SMCHD1: variants seen among roughly 807,000 people sequenced by gnomAD.
The protein encoded by SMCHD1 is structural maintenance of chromosomes flexible hinge domain-containing protein 1.
Under a neutral mutation model 254.7 loss-of-function variants are expected in SMCHD1, and 78 were observed. That is an observed-to-expected ratio of 0.31 (90% confidence interval 0.26 to 0.37). The LOEUF (loss-of-function observed/expected upper bound fraction) is 0.37. SMCHD1 is among the 10% of genes least tolerant of loss of function. The pLI, the probability that SMCHD1 is intolerant of heterozygous loss-of-function variation, is 1.00. For synonymous variants in SMCHD1, 766 were observed against 794.9 expected, an observed-to-expected ratio of 0.96 and a Z score of 0.61; for missense variants, 1,840 against 2,408.1, an observed-to-expected ratio of 0.76 and a Z score of 4.94.
chr18:2,775,702 A>T (rs1422388325), intron 41 of SMCHD1, 32 bp from the exon 42 acceptor site: 1 of 1,564,354 alleles, frequency 6.4e-7, no homozygotes, highest in Admixed American at 1.9e-5. Flanking sequence ...TATGGATTTT[A>T]TATTTTTTTA....
chr18:2,702,772 G>A (rs2074432689), intron 12 of SMCHD1, among the ~76,000 whole-genome samples: 1 of 152,156 alleles, frequency 6.6e-6, no homozygotes, highest in Non-Finnish European at 1.5e-5. Flanking sequence ...TTGACAGCAA[G>A]CATCAAAAAC....
At chr18:2,798,149 A>G (rs1314499624) in intron 47 of SMCHD1, among the ~76,000 whole-genome samples, 1 of 152,180 alleles carries the variant, frequency 6.6e-6, no homozygotes, top group Non-Finnish European at 1.5e-5. Context: ...TGTCTAAGGC[A>G]TGGTATGGTA....
chr18:2,656,391 T>A, intron 1 of SMCHD1, 130 bp downstream of exon 1: 1 of 868,202 alleles, frequency 1.2e-6, no homozygotes, highest in Non-Finnish European at 1.6e-6. Flanking sequence ...GGCTTCCCTC[T>A]CCCGTGTGCC....
intron 34 of SMCHD1, among the ~76,000 whole-genome samples, chr18:2,755,539 T>G (rs1382479119): frequency 6.6e-6 from 1 of 150,914 alleles, no homozygotes; most frequent in Non-Finnish European, 1.5e-5. Context: ...TTTTCCAGTT[T>G]TTGTGTATTT....
intron 5 of SMCHD1, among the ~76,000 whole-genome samples, chr18:2,678,757 C>T (rs1194669530): frequency 6.6e-6 from 1 of 152,078 alleles, no homozygotes; most frequent in Non-Finnish European, 1.5e-5. Flanking sequence ...GGCCGATCTG[C>T]CAATAACAAA....
intron 3 of SMCHD1, among the ~76,000 whole-genome samples, chr18:2,670,471 T>C (rs2073563861): frequency 6.6e-6 from 1 of 152,200 alleles, no homozygotes; most frequent in South Asian, 2.1e-4. Context: ...TCTTCTAACA[T>C]GCTATAGAAT....
chr18:2,787,085 C>G (rs1047982188), intron 45 of SMCHD1, among the ~76,000 whole-genome samples: 1 of 152,152 alleles, frequency 6.6e-6, no homozygotes, highest in East Asian at 1.9e-4. Context: ...CTGAAAAGTT[C>G]AAGATTGGGC....
At chr18:2,796,333 T>C (rs1172858585) in intron 46 of SMCHD1, 74 bp from the exon 47 acceptor site, 1 of 976,112 alleles carries the variant, frequency 1.0e-6, no homozygotes, top group Non-Finnish European at 1.5e-6. Context: ...AATTATGACA[T>C]ATTCATGTTT....
intron 29 of SMCHD1, among the ~76,000 whole-genome samples, chr18:2,745,928 CT>C (rs777558464): frequency 1.6e-4 from 24 of 152,292 alleles, no homozygotes; most frequent in East Asian, 3.9e-4. Flanking sequence ...CACCTTCCCC[CT>C]GATAGGATCT....
At chr18:2,742,478 A>G (rs1043683883) in intron 28 of SMCHD1, among the ~76,000 whole-genome samples, 9 of 152,206 alleles carry the variant, frequency 5.9e-5, no homozygotes, top group Non-Finnish European at 8.8e-5. Context: ...TAGACTTTGC[A>G]TATTTTGAAC....
rs1159737491 is a variant in SMCHD1, at chr18:2,705,690, T to C, written c.1843-4T>C. 7.1e-7 allele frequency: 1 copy of C among 1,411,830 alleles called. No individual in the cohort carries two copies. The highest frequency in any genetic ancestry group is 9.8e-7 in the Non-Finnish European group (1 of 1,025,588). 87.5% of individuals were successfully genotyped at this position (1,411,830 alleles called of 1,614,324 possible). On this transcript the variant is annotated splice_region_variant and splice_polypyrimidine_tract_variant and intron_variant, in intron 13 of 47. Transcript: ENST00000320876. ...TTTTTTTTTTTTTAAAAACTAAATA[T>C]TAGGTCAAGACAATCAAGACACTTC...
chr18:2,703,920 A>T, intron 13 of SMCHD1, 34 bp downstream of exon 13: 1 of 1,457,634 alleles, frequency 6.9e-7, no homozygotes, highest in East Asian at 2.4e-5. Flanking sequence ...TTTTCTTATA[A>T]TTTTTAATTT....
At chr18:2,773,812 A>C (rs922936117) in intron 41 of SMCHD1, among the ~76,000 whole-genome samples, 1 of 152,094 alleles carries the variant, frequency 6.6e-6, no homozygotes, top group African/African-American at 2.4e-5. Flanking sequence ...AATCACAGCT[A>C]CTCAGGAGGC....
Position 2,724,984 on chromosome 18 carries a change from T to G in SMCHD1, c.2689T>G (p.Cys897Gly). 1 of 1,576,450 alleles carries G rather than the reference T, an allele frequency of 6.3e-7. No individual in the cohort carries two copies. Among genetic ancestry groups the G allele is most frequent in the Non-Finnish European group, 8.7e-7 (1 of 1,155,870 alleles). Residue 897 changes from cysteine (C) to glycine (G), a missense_variant, in exon 21 of 48, where the codon TGT becomes GGT. Cys to Gly is a radical substitution (Grantham distance 159). Transcript: ENST00000320876. ...GVTAKGPVNSCQGKNYNLKVT... is the reference protein window; with the variant it reads ...GVTAKGPVNSGQGKNYNLKVT... ...TACAGCCAAGGGCCCTGTAAACTCT[T>G]GTCAAGGCAAGGTAAGCATTATGTA...
At chr18:2,657,595 A>G (rs1051093969) in intron 1 of SMCHD1, among the ~76,000 whole-genome samples, 7 of 151,774 alleles carry the variant, frequency 4.6e-5, no homozygotes, top group African/African-American at 1.5e-4. Flanking sequence ...CTATATGACT[A>G]CTCTTAGCAC....
intron 28 of SMCHD1, among the ~76,000 whole-genome samples, chr18:2,741,134 A>T (rs1344283946): frequency 1.3e-5 from 2 of 152,156 alleles, no homozygotes; most frequent in Admixed American, 6.5e-5. Flanking sequence ...ATAGCTTTTC[A>T]TAGTAGCTGT....
In SMCHD1 at chr18:2,663,815, C is replaced by T. The variant is rs548743856; in HGVS notation, c.187-2342C>T. Among the ~76,000 whole-genome samples the T allele has an allele frequency of 9.9e-5, 15 of 151,960 alleles. No individual in the cohort carries two copies. In the East Asian group the frequency reaches 1.4e-3, roughly 14 times the overall value. On this transcript the variant is annotated intron_variant, in intron 1 of 47. Coordinates refer to ENST00000320876, the MANE Select transcript of SMCHD1 (RefSeq NM_015295.3). ...CTGCCAGCTCCACCTCCCGGGTTCA[C>T]GCCATTCTCCTGCCTCAGCCTCCCG...
intron 37 of SMCHD1, 78 bp from the exon 38 acceptor site, chr18:2,769,616 A>G: frequency 2.8e-6 from 4 of 1,446,366 alleles, no homozygotes; most frequent in Non-Finnish European, 3.8e-6. Flanking sequence ...AAACAGCATA[A>G]TGAGTTATGT....
chr18:2,739,632 T>C, intron 27 of SMCHD1, 112 bp downstream of exon 27: 3 of 715,634 alleles, frequency 4.2e-6, no homozygotes, highest in African/African-American at 3.6e-5. Context: ...GTTCATATAA[T>C]GTTACTGATA....
Sources: gnomAD v4.1 joint callset for allele counts (sites outside exome capture counted in the v4.1 genomes callset) on GRCh38, gnomAD v4.1.1 for gene constraint, MANE v1.5 for transcripts, NCBI Gene and HGNC (gene_info 2026-07-23, HGNC 2026-07-21) for gene names.